The following DHX37 variants were observed in gnomAD, a reference collection of about 807,000 sequenced individuals.
DHX37 encodes the protein DEAH-box helicase 37.
In DHX37, 52 loss-of-function variants were observed where a neutral mutation model predicts 134.3. That is an observed-to-expected ratio of 0.39 (90% confidence interval 0.31 to 0.49). The LOEUF is 0.49. DHX37 is among the 20% of genes least tolerant of loss of function. The probability of loss-of-function intolerance (pLI) is 0.93; values close to 1 mark genes in which losing one functional copy is unlikely to be tolerated. For synonymous variants in DHX37, 634 were observed against 670.7 expected (o/e 0.95, Z 0.85); for missense variants, 1,344 against 1,580.8 (o/e 0.85, Z 2.54).
chr12:124,978,739 A>C (rs1270955922), intron 4 of DHX37, among the ~76,000 whole-genome samples: 5 of 151,628 alleles, frequency 3.3e-5, no homozygotes, highest in Non-Finnish European at 7.4e-5. Context: ...AGCCTGGGCA[A>C]CATAGCCAGA....
In DHX37 at chr12:124,977,333, A is replaced by G. The variant is rs74614695; in HGVS notation, c.887+9T>C. On this transcript the variant is annotated intron_variant, in intron 5 of 26. Transcript: ENST00000308736. ...GGGACCCAGAGAGAACCCTGTGTCCAGCCCCTACCTGCTGAAGCCTGCTTC... is the reference window on the plus strand; with the variant it reads ...GGGACCCAGAGAGAACCCTGTGTCCGGCCCCTACCTGCTGAAGCCTGCTTC... 0.01 allele frequency: 16,007 copies of G among 1,534,592 alleles called. 118 individuals are homozygous for G. The highest frequency in any genetic ancestry group is 0.012 in the Non-Finnish European group (13,935 of 1,143,230).
rs1036556715 is a variant in DHX37, at chr12:124,977,433, C to T, written c.796G>A (p.Ala266Thr). 6.2e-7 allele frequency: 1 copy of T among 1,611,330 alleles called. No individual in the cohort carries two copies. The highest frequency in any genetic ancestry group is 2.2e-5 in the East Asian group (1 of 44,560). Residue 266 changes from alanine to threonine, a missense_variant, in exon 5 of 27, where the codon GCC (alanine) becomes ACC (threonine). Ala to Thr is a moderately conservative substitution (Grantham distance 58). Transcript: ENST00000308736. ...SEEQVIMEAV[A>T]EHPIVIVCGE... The stretch of plus-strand genomic sequence containing the variant: ...CACACGATGACGATGGGGTGCTCGG[C>T]CACAGCCTCCATGATTACTTGTTCT...
intron 1 of DHX37, among the ~76,000 whole-genome samples, chr12:124,987,783 C>A (rs973319353): frequency 2.0e-5 from 3 of 152,130 alleles, no homozygotes; most frequent in Non-Finnish European, 4.4e-5. Context: ...ACTGGTTGAG[C>A]ATCCCTAATC....
rs749346050 is a variant in DHX37, at chr12:124,954,180, G to C, written c.2485C>G (p.Leu829Val). Residue 829 changes from leucine to valine, a missense_variant, in exon 19 of 27, where the codon CTG becomes GTG. This residue lies in a region of DHX37 where 558 missense variants were observed against 650.0 expected (regional missense o/e 0.86). Transcript: ENST00000308736. ...PAASDEELTRLKSKRARVAQM... is the reference protein window; with the variant it reads ...PAASDEELTRVKSKRARVAQM... Reference sequence around the variant, plus strand: ...GCCACCCGGGCCCGCTTGCTCTTCAGCCTGGTGAGCTCCTCGTCACTGGCC... The same window carrying C: ...GCCACCCGGGCCCGCTTGCTCTTCACCCTGGTGAGCTCCTCGTCACTGGCC... 2.0e-5 allele frequency: 32 copies of C among 1,610,040 alleles called. No individual in the cohort carries two copies. Among genetic ancestry groups the C allele is most frequent in the Non-Finnish European group, 2.7e-5 (32 of 1,178,402 alleles).
intron 2 of DHX37, among the ~76,000 whole-genome samples, chr12:124,983,785 CAAAA>C (rs11298102): frequency 4.3e-5 from 5 of 117,416 alleles, no homozygotes; most frequent in Admixed American, 9.0e-5. Flanking sequence ...ACCTTGTCTC[CAAAA>C]AAAAAAAAAA....
Position 124,965,780 on chromosome 12 carries a change from C to T in DHX37, c.1623G>A (p.Ser541=), listed in dbSNP as rs754189957. ...VLPQINLDHY[S]VLPAGEGDED... is the part of the protein sequence containing the mutation. Reference sequence around the variant, plus strand: ...CATCGCCTTCGCCTGCCGGTAACACCGAGTAATGATCCAAGTTGATCTGGG... The same window carrying T: ...CATCGCCTTCGCCTGCCGGTAACACTGAGTAATGATCCAAGTTGATCTGGG... The change falls in exon 13 of 27, where the codon TCG becomes TCA. Residue 541 remains serine (S), a synonymous_variant. Transcript: ENST00000308736. 11 of 1,613,788 alleles carry T rather than the reference C, an allele frequency of 6.8e-6. No individual in the cohort carries two copies. In the East Asian group the frequency reaches 8.9e-5, roughly 13 times the overall value.
chr12:124,959,973 C>A (rs1336984291), intron 16 of DHX37, among the ~76,000 whole-genome samples: 1 of 152,138 alleles, frequency 6.6e-6, no homozygotes, highest in African/African-American at 2.4e-5. Context: ...CTAGAGGGAT[C>A]CCCCCCTCCA....
chr12:124,964,363 A>G, intron 15 of DHX37, 31 bp downstream of exon 15: 1 of 1,609,518 alleles, frequency 6.2e-7, no homozygotes, highest in African/African-American at 1.3e-5. Context: ...GGCGGCACCA[A>G]CGTCCCTGAG....
Position 124,956,691 on chromosome 12 carries a change from C to A in DHX37, c.2453G>T (p.Arg818Ile). 1 of 1,555,194 alleles carries A rather than the reference C, an allele frequency of 6.4e-7. No individual in the cohort carries two copies. Among genetic ancestry groups the A allele is most frequent in the Non-Finnish European group, 8.7e-7 (1 of 1,143,444 alleles). ...GAGTGCCCAGCCGCCAACCTCGCAC[C>A]TGTCCAGCTCCTCAAACAGCTCCCG... ...TVRELFEELDRPAASDEELTR... is the reference protein window; with the variant it reads ...TVRELFEELDIPAASDEELTR... The change falls in exon 18 of 27, where the codon AGA becomes ATA. Residue 818 changes from arginine to isoleucine, a missense_variant and splice_region_variant. Physicochemically the swap from Arg to Ile is moderately conservative, Grantham distance 97. This residue lies in a region of DHX37 where 558 missense variants were observed against 650.0 expected (regional missense o/e 0.86). Coordinates refer to ENST00000308736, the MANE Select transcript of DHX37 (RefSeq NM_032656.4).
chr12:124,967,070 G>A lies in DHX37; in HGVS notation c.1504+53C>T, dbSNP rs1431669801. The A allele has an allele frequency of 4.8e-5, 77 of 1,596,760 alleles. 1 individual carries two copies. In the Middle Eastern group the frequency reaches 3.7e-3, roughly 76 times the overall value. ...GAGCTGCACCCCAGCCAGGGAGCGC[G>A]AGGCCAAGCCCAGCTGCTCAGGGCA... On this transcript the variant is annotated intron_variant, in intron 11 of 26. Transcript: ENST00000308736.
intron 2 of DHX37, among the ~76,000 whole-genome samples, chr12:124,984,165 C>A (rs1304224506): frequency 1.3e-5 from 2 of 152,148 alleles, no homozygotes; most frequent in African/African-American, 4.8e-5. Flanking sequence ...CAAAACTGTT[C>A]CGGATGACAG....
rs971808071 is a variant in DHX37 at position 124,971,418 on chromosome 12, G to T, written c.1078-3C>A. 1.2e-6 allele frequency: 2 copies of T among 1,612,698 alleles called. No homozygotes were observed. The highest frequency in any genetic ancestry group is 2.2e-5 in the South Asian group (2 of 90,952). ...TTGTACCGCAGCAGCAGGAAGTCCT[G>T]GGGGGAGGTCCGGGGTGAGGCCCAC... On this transcript the variant is annotated splice_region_variant and splice_polypyrimidine_tract_variant and intron_variant, in intron 7 of 26. Coordinates refer to ENST00000308736, the MANE Select transcript of DHX37 (RefSeq NM_032656.4).
intron 3 of DHX37, among the ~76,000 whole-genome samples, chr12:124,981,441 C>G (rs925221193): frequency 1.3e-5 from 2 of 152,074 alleles, no homozygotes; most frequent in Non-Finnish European, 2.9e-5. Flanking sequence ...TCCAACTAGT[C>G]GAGACTAGGT....
chr12:124,970,188 G>A (rs1288731166), intron 8 of DHX37, among the ~76,000 whole-genome samples: 1 of 152,120 alleles, frequency 6.6e-6, no homozygotes, highest in Non-Finnish European at 1.5e-5. Flanking sequence ...TGGCCAGGCT[G>A]GTCTTGAACT....
intron 4 of DHX37, among the ~76,000 whole-genome samples, chr12:124,979,733 C>A (rs73229583): frequency 6.6e-6 from 1 of 152,182 alleles, no homozygotes; most frequent in Non-Finnish European, 1.5e-5. Flanking sequence ...GGAGGCCAAG[C>A]CCCTGAGTGA....
chr12:124,988,552 G>A (rs1388914336), intron 1 of DHX37, among the ~76,000 whole-genome samples: 3 of 152,170 alleles, frequency 2.0e-5, no homozygotes, highest in African/African-American at 7.2e-5. Flanking sequence ...TGAGAGAAAT[G>A]TCAGCCAGCC....
At position 124,986,255 on chromosome 12, in the gene DHX37, C is replaced by T. The variant is rs1365607310; in HGVS notation, c.117G>A (p.Thr39=). Residue 39 remains threonine, a synonymous_variant, in exon 2 of 27, where the codon ACG becomes ACA. Coordinates refer to ENST00000308736, the MANE Select transcript of DHX37 (RefSeq NM_032656.4). ...CGTTGCTTGCATCAACTCCCTTCAA[C>T]GTGTCCTTGTCTGAGAGAGCACAGT... The part of the protein sequence containing the change: ...PVQLELEDKD[T]LKGVDASNAL... 8 of 1,613,786 alleles carry T rather than the reference C, an allele frequency of 5.0e-6. No individual in the cohort carries two copies. Among genetic ancestry groups the T allele is most frequent in the African/African-American group, 1.3e-5 (1 of 74,946 alleles).
intron 2 of DHX37, among the ~76,000 whole-genome samples, chr12:124,983,453 G>T (rs1251384588): frequency 1.6e-5 from 2 of 121,824 alleles, no homozygotes; most frequent in Non-Finnish European, 3.7e-5. Flanking sequence ...ACAGAACAAG[G>T]TATAGCACAG....
At chr12:124,948,358 G>C in intron 25 of DHX37, 177 bp from the exon 26 acceptor site, 1 of 1,197,060 alleles carries the variant, frequency 8.4e-7, no homozygotes, top group Non-Finnish European at 1.1e-6. Flanking sequence ...GCTGAAGTAG[G>C]AGGATCCCTT....
Sources: gnomAD v4.1 joint callset for allele counts (sites outside exome capture counted in the v4.1 genomes callset) on GRCh38, gnomAD v4.1.1 for gene constraint, gnomAD v4.1.1 regional missense constraint, MANE v1.5 for transcripts, NCBI Gene and HGNC (gene_info 2026-07-23, HGNC 2026-07-21) for gene names.